KIF26B: variants seen among roughly 807,000 people sequenced by gnomAD.
KIF26B encodes the protein kinesin family member 26B.
A neutral mutation model predicts 151.2 loss-of-function variants in KIF26B; 63 were observed. That is an observed-to-expected ratio of 0.42 (90% confidence interval 0.34 to 0.51). The LOEUF (loss-of-function observed/expected upper bound fraction) is 0.51, where lower values mean the gene tolerates loss of function less well. Ranked by LOEUF, KIF26B falls within the 20% of genes least tolerant of loss-of-function variation. The pLI is 0.07. For synonymous variants in KIF26B, 1,357 were observed against 1,262.1 expected (o/e 1.08, Z -1.59); for missense variants, 2,813 against 2,913.6 (o/e 0.97, Z 0.79).
intron 5 of KIF26B, among the ~76,000 whole-genome samples, chr1:245,544,445 A>G (rs1390905671): frequency 6.6e-6 from 1 of 152,076 alleles, no homozygotes; most frequent in Non-Finnish European, 1.5e-5. Context: ...ACTGCCCCTC[A>G]GCCTCAGCCA....
intron 2 of KIF26B, among the ~76,000 whole-genome samples, chr1:245,193,366 A>G (rs1669142142): frequency 6.6e-6 from 1 of 152,224 alleles, no homozygotes; most frequent in Admixed American, 6.5e-5. Context: ...TTTATGGTAG[A>G]ATGATTTATG....
Position 245,490,468 on chromosome 1 carries a change from C to T in KIF26B, c.1167-50299C>T, listed in dbSNP as rs146715100. Among the ~76,000 whole-genome samples the T allele has an allele frequency of 5.6e-3, 852 of 152,060 alleles. 9 individuals carry two copies. The highest frequency in any genetic ancestry group is 0.02 in the African/African-American group (812 of 41,468). On this transcript the variant is annotated intron_variant, in intron 4 of 14. Transcript: ENST00000407071. ...CTGGGACTACAGGCGCACACCACCA[C>T]GTCCAGCTAATTTTTTGTATTTTTA...
rs2044821266 is a variant in KIF26B, at chr1:245,704,886, A to G, written c.*2280A>G. 1 of 152,134 alleles carries G rather than the reference A, an allele frequency of 6.6e-6. No individual in the cohort carries two copies. Among genetic ancestry groups the G allele is most frequent in the South Asian group, 2.1e-4 (1 of 4,818 alleles). 9.4% of individuals were successfully genotyped at this position (152,134 alleles called of 1,614,324 possible). ...AAAAGTCTTTAATTGGAGATTTTCAAAGGTGAATATTCTGTTTTTGTTGGA... is the reference window on the plus strand; with the variant it reads ...AAAAGTCTTTAATTGGAGATTTTCAGAGGTGAATATTCTGTTTTTGTTGGA... On this transcript the variant is annotated 3_prime_UTR_variant, in exon 15 of 15. Transcript: ENST00000407071.
intron 2 of KIF26B, among the ~76,000 whole-genome samples, chr1:245,203,062 G>A (rs1435227715): frequency 6.6e-6 from 1 of 151,568 alleles, no homozygotes; most frequent in East Asian, 1.9e-4. Context: ...AGACCAGCCT[G>A]GACAACATTT....
chr1:245,625,681 A>G (rs557842227), intron 9 of KIF26B, among the ~76,000 whole-genome samples: 3 of 152,286 alleles, frequency 2.0e-5, no homozygotes, highest in South Asian at 4.1e-4. Context: ...ATTGTTAACT[A>G]TAGCCTCCTA....
intron 4 of KIF26B, among the ~76,000 whole-genome samples, chr1:245,500,351 TAA>T (rs1660596426): frequency 6.6e-6 from 1 of 152,216 alleles, no homozygotes; most frequent in South Asian, 2.1e-4. Context: ...GATTCTGAAA[TAA>T]GACTCATTTG....
intron 5 of KIF26B, among the ~76,000 whole-genome samples, chr1:245,587,013 A>T (rs1326474512): frequency 6.6e-6 from 1 of 152,124 alleles, no homozygotes; most frequent in African/African-American, 2.4e-5. Context: ...TCTCAGGTGG[A>T]GGCATGATTG....
chr1:245,225,397 A>G (rs1304313062), intron 2 of KIF26B, among the ~76,000 whole-genome samples: 3 of 152,358 alleles, frequency 2.0e-5, no homozygotes, highest in African/African-American at 7.2e-5. Flanking sequence ...ATCTCTGTGT[A>G]TCTAAGTCTG....
At chr1:245,694,582 A>T (rs965737178) in intron 12 of KIF26B, among the ~76,000 whole-genome samples, 2 of 152,128 alleles carry the variant, frequency 1.3e-5, no homozygotes, top group Non-Finnish European at 2.9e-5. Flanking sequence ...GGATGTTAAG[A>T]GTAGAAGGCC....
intron 3 of KIF26B, among the ~76,000 whole-genome samples, chr1:245,417,823 C>G (rs1406780103): frequency 6.6e-6 from 1 of 152,226 alleles, no homozygotes; most frequent in Non-Finnish European, 1.5e-5. Context: ...TGCTCTCTGG[C>G]TTTGCAGGGC....
In KIF26B at chr1:245,367,096, G is replaced by C. The variant is rs1266110658; in HGVS notation, c.728G>C (p.Arg243Thr). The C allele has an allele frequency of 1.9e-6, 3 of 1,598,316 alleles. No individual in the cohort carries two copies. The African/African-American group carries it at 4.0e-5, about 21-fold the overall frequency. ...CACGTGGGTGGGCTCCAGCAGCCCA[G>C]AGACTGGGCCTTTGTGCCCGCCCCC... The part of the protein sequence containing the change: ...SRHVGGLQQP[R>T]DWAFVPAPCA... The change falls in exon 3 of 15, where the codon AGA becomes ACA. Residue 243 changes from arginine (R) to threonine (T), a missense_variant. Transcript: ENST00000407071. The surrounding 1 kb of genome is among the most constrained non-coding windows in gnomAD (Gnocchi z 4.2).
chr1:245,351,852 A>G (rs1446821166), intron 2 of KIF26B, among the ~76,000 whole-genome samples: 2 of 151,176 alleles, frequency 1.3e-5, no homozygotes, highest in East Asian at 3.8e-4. Context: ...GGTTGAGACC[A>G]TGTTTGTTTC....
At chr1:245,411,494 C>T (rs897574722) in intron 3 of KIF26B, among the ~76,000 whole-genome samples, 1 of 152,200 alleles carries the variant, frequency 6.6e-6, no homozygotes, top group Non-Finnish European at 1.5e-5. Flanking sequence ...ATCTGTTTCT[C>T]TGCCTGCAAG....
Position 245,693,953 on chromosome 1 carries a change from T to C in KIF26B, c.5825-4153T>C, listed in dbSNP as rs1247207703. Among the ~76,000 whole-genome samples the C allele has an allele frequency of 3.2e-4, 48 of 152,122 alleles. 1 individual carries two copies. The highest frequency in any genetic ancestry group is 3.0e-3 in the Admixed American group (46 of 15,286). On this transcript the variant is annotated intron_variant, in intron 12 of 14. Coordinates refer to ENST00000407071, the MANE Select transcript of KIF26B (RefSeq NM_018012.4). ...AATGAGAGCCTTTTTGAATACACAGTTGGGGGAAAAGGAGGAGAGTCATTG... is the reference window on the plus strand; with the variant it reads ...AATGAGAGCCTTTTTGAATACACAGCTGGGGGAAAAGGAGGAGAGTCATTG...
chr1:245,612,765 C>T (rs2043542063), intron 9 of KIF26B, among the ~76,000 whole-genome samples: 1 of 152,174 alleles, frequency 6.6e-6, no homozygotes, highest in Admixed American at 6.5e-5. Flanking sequence ...TACCCAGACC[C>T]TGGCTGCCTC....
At chr1:245,551,624 A>G (rs1335514088) in intron 5 of KIF26B, among the ~76,000 whole-genome samples, 3 of 152,212 alleles carry the variant, frequency 2.0e-5, no homozygotes, top group Non-Finnish European at 4.4e-5. Flanking sequence ...CACCATTTGC[A>G]TGTCCACGCC....
Position 245,389,271 on chromosome 1 carries a change from G to A in KIF26B, c.999+21904G>A, listed in dbSNP as rs962572918. Among the ~76,000 whole-genome samples the A allele has an allele frequency of 6.6e-5, 10 of 152,172 alleles. No individual in the cohort carries two copies. In the East Asian group the frequency reaches 1.9e-3, roughly 29 times the overall value. ...TGGGATTACAGGCATGCACCATCATGCCCGGCTAATTTTGTATTTTTAGTA... is the reference window on the plus strand; with the variant it reads ...TGGGATTACAGGCATGCACCATCATACCCGGCTAATTTTGTATTTTTAGTA... On this transcript the variant is annotated intron_variant, in intron 3 of 14. Transcript: ENST00000407071.
chr1:245,269,715 G>A (rs1670816069), intron 2 of KIF26B, among the ~76,000 whole-genome samples: 1 of 151,886 alleles, frequency 6.6e-6, no homozygotes, highest in South Asian at 2.1e-4. Flanking sequence ...CATCCACCTT[G>A]GCCTCCCAAA....
chr1:245,325,354 G>A (rs1671969131), intron 2 of KIF26B, among the ~76,000 whole-genome samples: 4 of 152,138 alleles, frequency 2.6e-5, no homozygotes, highest in Admixed American at 2.6e-4. Flanking sequence ...GTTGACTTTA[G>A]CTTAAAACCA....
Sources: allele counts gnomAD v4.1 joint callset (sites outside exome capture counted in the v4.1 genomes callset), GRCh38; gene constraint gnomAD v4.1.1; non-coding constraint Gnocchi (gnomAD v3.1); transcripts MANE v1.5; gene names NCBI Gene and HGNC (gene_info 2026-07-23, HGNC 2026-07-21).